SOX6: variants seen among roughly 807,000 people sequenced by gnomAD.
SOX6 encodes transcription factor SOX-6.
Under a neutral mutation model 97.8 loss-of-function variants are expected in SOX6, and 11 were observed. The ratio of observed to expected loss-of-function variants is 0.11; its 90% confidence interval spans 0.07 to 0.19. SOX6 has a LOEUF of 0.19. Among genes scored for constraint, SOX6 ranks in the 10% least tolerant of loss-of-function variants. The pLI is 1.00. For missense variants in SOX6, 810 were observed against 1,039.5 expected, an observed-to-expected ratio of 0.78 and a Z score of 3.04; for synonymous variants, 360 against 371.4, an observed-to-expected ratio of 0.97 and a Z score of 0.35.
chr11:16,489,332 C>T (rs949410441), intron 4 of SOX6, among the ~76,000 whole-genome samples: 22 of 152,040 alleles, frequency 1.4e-4, no homozygotes, highest in Non-Finnish European at 1.3e-4. Flanking sequence ...GCAAGTAAAT[C>T]TTCTAATTAA....
chr11:16,109,764 T>TA (rs1849184172), intron 7 of SOX6, among the ~76,000 whole-genome samples: 1 of 152,178 alleles, frequency 6.6e-6, no homozygotes, highest in African/African-American at 2.4e-5. Context: ...GAATTAGAGT[T>TA]CTGATTAATG....
chr11:16,667,885 A>C (rs1389975360), intron 3 of SOX6, among the ~76,000 whole-genome samples: 1 of 152,244 alleles, frequency 6.6e-6, no homozygotes, highest in African/African-American at 2.4e-5. Context: ...ACAAATTTTC[A>C]AAAAATAGTA....
At chr11:16,652,027 A>T (rs1590039021) in intron 3 of SOX6, among the ~76,000 whole-genome samples, 1 of 150,330 alleles carries the variant, frequency 6.7e-6, no homozygotes, top group Non-Finnish European at 1.5e-5. Flanking sequence ...AGCTGCAAAA[A>T]AATATATGCC....
intron 12 of SOX6, among the ~76,000 whole-genome samples, chr11:16,041,968 C>G (rs142422407): frequency 6.6e-6 from 1 of 152,198 alleles, no homozygotes; most frequent in Non-Finnish European, 1.5e-5. Flanking sequence ...AACTAAACAA[C>G]AGATTTGACA....
intron 4 of SOX6, among the ~76,000 whole-genome samples, chr11:16,489,532 T>A (rs1352068245): frequency 3.3e-5 from 5 of 152,140 alleles, no homozygotes; most frequent in African/African-American, 1.2e-4. Flanking sequence ...TAGAGTTATC[T>A]AACTATCTTT....
intron 4 of SOX6, among the ~76,000 whole-genome samples, chr11:16,530,086 G>A (rs1207793043): frequency 6.6e-6 from 1 of 151,870 alleles, no homozygotes; most frequent in Non-Finnish European, 1.5e-5. Context: ...AAAAAACACA[G>A]CTTTGCAGTC....
chr11:16,625,448 G>C (rs529155687), intron 3 of SOX6, among the ~76,000 whole-genome samples: 1 of 152,292 alleles, frequency 6.6e-6, no homozygotes, highest in African/African-American at 2.4e-5. Context: ...AGTGCTAGGA[G>C]CATCTTTTGT....
At chr11:16,678,754 T>G (rs1847903831) in intron 3 of SOX6, among the ~76,000 whole-genome samples, 1 of 152,172 alleles carries the variant, frequency 6.6e-6, no homozygotes, top group Non-Finnish European at 1.5e-5. Flanking sequence ...GCCCAAATAC[T>G]GAGCTTTTCC....
intron 2 of SOX6, among the ~76,000 whole-genome samples, chr11:16,733,224 T>C (rs1848364223): frequency 6.6e-6 from 1 of 152,238 alleles, no homozygotes; most frequent in Admixed American, 6.5e-5. Flanking sequence ...ATCCCATTAC[T>C]GGGTATACAC....
rs116738714 is a variant in SOX6 at position 15,988,745 on chromosome 11, G to A, written c.1966+252C>T. ...ACATACTATAAATAGTTTTGTCTCT[G>A]AAATAAGTGTTCAGACAGTCCTGCC... On this transcript the variant is annotated intron_variant, in intron 14 of 15. Transcript: ENST00000683767. 9.1e-3 allele frequency among the ~76,000 whole-genome samples: 1,388 copies of A among 152,300 alleles called. 23 individuals are homozygous for A. Among genetic ancestry groups the A allele is most frequent in the African/African-American group, 0.032 (1,330 of 41,566 alleles).
intron 3 of SOX6, among the ~76,000 whole-genome samples, chr11:16,252,076 C>T (rs998865766): frequency 9.9e-5 from 15 of 152,046 alleles, no homozygotes; most frequent in African/African-American, 3.1e-4. Flanking sequence ...TGAATGCTTT[C>T]GTCTGAACTC....
In SOX6 at chr11:16,220,772, T is replaced by G. The variant is rs111685827; in HGVS notation, c.535+13810A>C. Among the ~76,000 whole-genome samples the G allele has an allele frequency of 9.0e-3, 1,364 of 152,122 alleles. 18 individuals carry two copies. Among genetic ancestry groups the G allele is most frequent in the African/African-American group, 0.03 (1,248 of 41,546 alleles). On this transcript the variant is annotated intron_variant, in intron 4 of 15. Coordinates refer to ENST00000683767, the MANE Select transcript of SOX6 (RefSeq NM_001367873.1). ...ATGCATGGTTGTTGTTGTTGTTGTT[T>G]TTTAACCACTTTTCAGGTTAGCAAG...
chr11:16,728,260 C>G (rs1210937038), intron 2 of SOX6, among the ~76,000 whole-genome samples: 3 of 152,208 alleles, frequency 2.0e-5, no homozygotes, highest in African/African-American at 4.8e-5. Flanking sequence ...AAGTGGGTCC[C>G]TGACCCCAGT....
At chr11:16,454,052 C>T (rs975122068) in intron 1 of SOX6, among the ~76,000 whole-genome samples, 5 of 152,052 alleles carry the variant, frequency 3.3e-5, no homozygotes, top group African/African-American at 1.2e-4. Flanking sequence ...GAATCGTGGC[C>T]ACTAGGGCCT....
chr11:16,658,946 A>G (rs909336370), intron 3 of SOX6, among the ~76,000 whole-genome samples: 1 of 152,202 alleles, frequency 6.6e-6, no homozygotes, highest in African/African-American at 2.4e-5. Context: ...TCAGATACAC[A>G]TCTTTATCAA....
chr11:15,966,948 A>G lies in SOX6; in HGVS notation c.*5861T>C, dbSNP rs1165473845. Reference sequence around the variant, plus strand: ...TTTCCCATTTCTTTAATCCTTAGCAAACTTTTTATTATTATTATTATCAAG... The same window carrying G: ...TTTCCCATTTCTTTAATCCTTAGCAGACTTTTTATTATTATTATTATCAAG... On this transcript the variant is annotated 3_prime_UTR_variant, in exon 16 of 16. Coordinates refer to ENST00000683767, the MANE Select transcript of SOX6 (RefSeq NM_001367873.1). 6.6e-6 allele frequency: 1 copy of G among 152,134 alleles called. No individual in the cohort carries two copies. Among genetic ancestry groups the G allele is most frequent in the African/African-American group, 2.4e-5 (1 of 41,418 alleles). 9.4% of individuals were successfully genotyped at this position (152,134 alleles called of 1,614,324 possible).
chr11:16,546,664 G>A (rs888267266), intron 4 of SOX6, among the ~76,000 whole-genome samples: 3 of 152,062 alleles, frequency 2.0e-5, no homozygotes, highest in African/African-American at 7.2e-5. Context: ...AAACCGCTAG[G>A]AGAAAATACA....
intron 3 of SOX6, among the ~76,000 whole-genome samples, chr11:16,670,464 T>G (rs1337493464): frequency 6.6e-6 from 1 of 152,106 alleles, no homozygotes; most frequent in Non-Finnish European, 1.5e-5. Context: ...TGAAATCCTC[T>G]CTGCCACTGC....
intron 4 of SOX6, among the ~76,000 whole-genome samples, chr11:16,233,605 G>A (rs534453375): frequency 1.6e-4 from 25 of 152,256 alleles, no homozygotes; most frequent in African/African-American, 5.8e-4. Flanking sequence ...AAACTCATGA[G>A]TACTTTCTTA....
Sources: allele counts gnomAD v4.1 joint callset (sites outside exome capture counted in the v4.1 genomes callset), GRCh38; gene constraint gnomAD v4.1.1; transcripts MANE v1.5; gene names NCBI Gene and HGNC (gene_info 2026-07-23, HGNC 2026-07-21).